The following OR1L8 variants were observed in gnomAD, a reference collection of about 807,000 sequenced individuals.
OR1L8 encodes olfactory receptor family 1 subfamily L member 8, also known as olfactory receptor 1L8.
For missense variants in OR1L8, 330 were observed against 377.4 expected (o/e 0.87, Z 1.04); for synonymous variants, 148 against 147.0 (o/e 1.01, Z -0.05).
At chr9:122,546,477 C>G in the OR1L8 span, among the ~76,000 whole-genome samples, 1 of 152,168 alleles carries the variant, frequency 6.6e-6, no homozygotes, top group Non-Finnish European at 1.5e-5. Context: ...CTTTCAGAAC[C>G]TGCTGCCTTG....
intron 1 of OR1L8, among the ~76,000 whole-genome samples, chr9:122,582,875 A>G (rs1276069252): frequency 6.6e-6 from 1 of 152,146 alleles, no homozygotes; most frequent in African/African-American, 2.4e-5. Flanking sequence ...TCTAGAAATA[A>G]AAGTGTAATT....
At chr9:122,556,485 T>G in the OR1L8 span, among the ~76,000 whole-genome samples, 1 of 152,190 alleles carries the variant, frequency 6.6e-6, no homozygotes, top group East Asian at 1.9e-4. Flanking sequence ...TACTGCAGGC[T>G]TACAGTAAGT....
chr9:122,554,820 A>T, the OR1L8 span, among the ~76,000 whole-genome samples: 1 of 152,106 alleles, frequency 6.6e-6, no homozygotes, highest in Non-Finnish European at 1.5e-5. Flanking sequence ...TGTAGTAAAT[A>T]GATTAAAAGT....
intron 1 of OR1L8, among the ~76,000 whole-genome samples, chr9:122,579,510 TAGCTGCTGGATG>T (rs906247862): frequency 2.0e-5 from 3 of 152,136 alleles, no homozygotes; most frequent in African/African-American, 7.2e-5. Flanking sequence ...TGTCAACTAA[TAGCTGCTGGATG>T]AGGTTCTTAT....
the OR1L8 span, among the ~76,000 whole-genome samples, chr9:122,557,926 T>C: frequency 1.3e-5 from 2 of 152,038 alleles, no homozygotes; most frequent in East Asian, 1.9e-4. Context: ...TCTTCTTGTA[T>C]GGGTTTTAGT....
At chr9:122,562,601 AC>A (rs1225024820), downstream of OR1L8, among the ~76,000 whole-genome samples, 2 of 152,090 alleles carry the variant, frequency 1.3e-5, no homozygotes, top group African/African-American at 4.8e-5. Context: ...GTGGGCTGCC[AC>A]ACCACACTGC....
At chr9:122,577,936 A>G (rs1031091900) in intron 2 of OR1L8, among the ~76,000 whole-genome samples, 5 of 152,230 alleles carry the variant, frequency 3.3e-5, no homozygotes, top group Admixed American at 6.5e-5. Flanking sequence ...TATATTGTCT[A>G]TGACCTAGTC....
At chr9:122,552,057 A>ACTCTCTCTCTCTCTCT in the OR1L8 span, among the ~76,000 whole-genome samples, 1 of 144,072 alleles carries the variant, frequency 6.9e-6, no homozygotes, top group Non-Finnish European at 1.6e-5. Context: ...ACACACATAC[A>ACTCTCTCTCTCTCTCT]CTCTCTCTCT....
the OR1L8 span, chr9:122,553,729 C>T: frequency 6.2e-7 from 1 of 1,613,430 alleles, no homozygotes; most frequent in Admixed American, 1.7e-5. Flanking sequence ...GCTTTCTGTG[C>T]CCAGAAAGCC....
At chr9:122,552,058 C>CA in the OR1L8 span, among the ~76,000 whole-genome samples, 42 of 100,356 alleles carry the variant, frequency 4.2e-4, no homozygotes, top group African/African-American at 1.5e-3. Context: ...CACACATACA[C>CA]TCTCTCTCTC....
the OR1L8 span, chr9:122,554,285 A>C: frequency 1.7e-6 from 1 of 594,380 alleles, no homozygotes; most frequent in Non-Finnish European, 2.8e-6. Context: ...TGAGTTAGGG[A>C]TGTAAAAAAA....
At chr9:122,558,621 C>T in the OR1L8 span, among the ~76,000 whole-genome samples, 1 of 151,510 alleles carries the variant, frequency 6.6e-6, no homozygotes, top group African/African-American at 2.4e-5. Flanking sequence ...TTAGTTTTCC[C>T]ATTGGGAAGG....
intron 4 of OR1L8, among the ~76,000 whole-genome samples, chr9:122,569,310 TTTTAA>T (rs1331061307): frequency 6.6e-5 from 10 of 152,224 alleles, no homozygotes; most frequent in Admixed American, 5.9e-4. Context: ...TTAAATCTGT[TTTTAA>T]TTTATCTTTT....
At chr9:122,572,952 A>G (rs993572039) in intron 3 of OR1L8, 44 bp from the exon 4 acceptor site, 5 of 152,276 alleles carry the variant, frequency 3.3e-5, no homozygotes, top group African/African-American at 1.2e-4. Flanking sequence ...CTCTAAAGGA[A>G]TACCACATTT....
downstream of OR1L8, among the ~76,000 whole-genome samples, chr9:122,564,932 A>G (rs1829405137): frequency 6.6e-6 from 1 of 151,752 alleles, no homozygotes; most frequent in Admixed American, 6.6e-5. Flanking sequence ...CTGGTCCATT[A>G]TATTGATAAC....
chr9:122,553,407 C>T, the OR1L8 span: 19 of 1,614,072 alleles, frequency 1.2e-5, no homozygotes, highest in Admixed American at 3.3e-5. Context: ...GTACTTCTTT[C>T]TGGCCAACCT....
chr9:122,564,425 A>G (rs1007147329), downstream of OR1L8, among the ~76,000 whole-genome samples: 1 of 152,204 alleles, frequency 6.6e-6, no homozygotes. Flanking sequence ...ATGATGGGAA[A>G]GGCCAAATGG....
At chr9:122,558,864 A>G in the OR1L8 span, among the ~76,000 whole-genome samples, 1 of 151,228 alleles carries the variant, frequency 6.6e-6, no homozygotes, top group Admixed American at 6.6e-5. Flanking sequence ...TCTTTGTTTC[A>G]TTCTTTCCCT....
chr9:122,552,036 T>TACAC, the OR1L8 span, among the ~76,000 whole-genome samples: 362 of 123,978 alleles, frequency 2.9e-3, 2 homozygotes, highest in Middle Eastern at 0.013. Flanking sequence ...GTAGGACACA[T>TACAC]ACACACACAC....
Sources: allele counts gnomAD v4.1 joint callset (sites outside exome capture counted in the v4.1 genomes callset), GRCh38; gene constraint gnomAD v4.1.1; transcripts MANE v1.5; gene names NCBI Gene and HGNC (gene_info 2026-07-23, HGNC 2026-07-21).